Variants in MAN1A1 observed in about 807,000 individuals in gnomAD.
MAN1A1 encodes mannosidase alpha class 1A member 1.
A neutral mutation model predicts 70.8 loss-of-function variants in MAN1A1; 29 were observed. The observed-to-expected ratio is 0.41, with a 90% CI of 0.31 to 0.56. MAN1A1 has a LOEUF of 0.56. Ranked by LOEUF, MAN1A1 falls within the 20% of genes least tolerant of loss-of-function variation. MAN1A1 has a pLI of 0.29. For missense variants in MAN1A1, 747 were observed against 841.3 expected, an observed-to-expected ratio of 0.89 and a Z score of 1.39; for synonymous variants, 349 against 330.1, an observed-to-expected ratio of 1.06 and a Z score of -0.62.
chr6:119,324,641 C>CT (rs1773101041), intron 2 of MAN1A1, among the ~76,000 whole-genome samples: 3 of 152,172 alleles, frequency 2.0e-5, no homozygotes, highest in African/African-American at 7.2e-5. Context: ...TGTGATATCT[C>CT]TTTTTATAAT....
chr6:119,312,020 C>G (rs1367150597), intron 2 of MAN1A1, among the ~76,000 whole-genome samples: 2 of 152,110 alleles, frequency 1.3e-5, no homozygotes, highest in African/African-American at 2.4e-5. Context: ...TAGAGACCAA[C>G]AGACAGAGGC....
intron 6 of MAN1A1, among the ~76,000 whole-genome samples, chr6:119,223,052 G>A (rs1338248583): frequency 6.6e-6 from 1 of 152,056 alleles, no homozygotes. Flanking sequence ...GTTTAAAAAG[G>A]GGGGAAGGGA....
chr6:119,204,130 G>C (rs1165396061), intron 7 of MAN1A1, among the ~76,000 whole-genome samples: 4 of 152,190 alleles, frequency 2.6e-5, no homozygotes, highest in African/African-American at 4.8e-5. Flanking sequence ...CGAATGCTAA[G>C]AGGGCAAGGA....
chr6:119,234,326 A>G (rs117502387), intron 6 of MAN1A1, among the ~76,000 whole-genome samples: 3,073 of 152,312 alleles, frequency 0.02, 42 homozygotes, highest in Non-Finnish European at 0.03. Context: ...AAAATCTTCC[A>G]GAGGAAAAGT....
At chr6:119,202,487 C>T (rs989010571) in intron 7 of MAN1A1, among the ~76,000 whole-genome samples, 2 of 152,096 alleles carry the variant, frequency 1.3e-5, no homozygotes, top group Non-Finnish European at 2.9e-5. Context: ...AAAAGTGGTA[C>T]ATTCTAAAAT....
chr6:119,269,295 A>G, intron 5 of MAN1A1: 2 of 287,520 alleles, frequency 7.0e-6, no homozygotes, highest in South Asian at 2.9e-5. Flanking sequence ...TGGTACTTCC[A>G]GCCAAACTCG....
At chr6:119,275,277 A>C (rs1300396012) in intron 5 of MAN1A1, among the ~76,000 whole-genome samples, 1 of 52,852 alleles carries the variant, frequency 1.9e-5, no homozygotes, top group African/African-American at 7.0e-5. Context: ...TACCCAGCTA[A>C]TTTTTTTTTT....
chr6:119,337,868 A>G (rs1433254214), intron 2 of MAN1A1, among the ~76,000 whole-genome samples: 2 of 152,198 alleles, frequency 1.3e-5, no homozygotes, highest in East Asian at 3.8e-4. Flanking sequence ...AATGTATACA[A>G]TGCATTAGAT....
At chr6:119,316,880 T>G (rs558107578) in intron 2 of MAN1A1, among the ~76,000 whole-genome samples, 89 of 151,976 alleles carry the variant, frequency 5.9e-4, no homozygotes, top group South Asian at 3.7e-3. Context: ...TGAATTAGCT[T>G]GAATTTCATT....
intron 2 of MAN1A1, among the ~76,000 whole-genome samples, chr6:119,330,110 C>G (rs1773269329): frequency 6.6e-6 from 1 of 152,212 alleles, no homozygotes; most frequent in Non-Finnish European, 1.5e-5. Flanking sequence ...GCCCTTGACT[C>G]TTTGTACAGG....
In MAN1A1 at chr6:119,349,724, A is replaced by T; in HGVS notation, c.-405T>A. The T allele has an allele frequency of 1.0e-6, 1 of 985,808 alleles. No homozygotes were observed. Among genetic ancestry groups the T allele is most frequent in the Non-Finnish European group, 1.2e-6 (1 of 830,112 alleles). The allele number at this position is 985,808 out of a possible 1,614,324, so 61.1% of individuals were successfully genotyped here. A position where few individuals can be genotyped will look rare whatever the true frequency, so the allele number is the denominator to read the frequency against. On this transcript the variant is annotated 5_prime_UTR_variant, in exon 1 of 13. Transcript: ENST00000368468. ...CCTGCGGGCGAATGGCAGCGAGTAG[A>T]GCAGCACGGTACACTCCGCCGCGGC...
In MAN1A1 at chr6:119,179,459, C is replaced by T. The variant is rs1274326474; in HGVS notation, c.*360G>A. On this transcript the variant is annotated 3_prime_UTR_variant, in exon 13 of 13. Coordinates refer to ENST00000368468, the MANE Select transcript of MAN1A1 (RefSeq NM_005907.4). ...TTACAGCTTAAAGCAGACATCATCT[C>T]CTCTTAGAGGAGGAAAAAGTTTTGC... 5 of 159,456 alleles carry T rather than the reference C, an allele frequency of 3.1e-5. No individual in the cohort carries two copies. Among genetic ancestry groups the T allele is most frequent in the Non-Finnish European group, 1.4e-5 (1 of 71,792 alleles). The allele number at this position is 159,456 out of a possible 1,614,324, so 9.9% of individuals were successfully genotyped here.
At chr6:119,200,063 A>G (rs1773675527) in intron 8 of MAN1A1, among the ~76,000 whole-genome samples, 1 of 152,224 alleles carries the variant, frequency 6.6e-6, no homozygotes, top group South Asian at 2.1e-4. Context: ...AAAGGCAGAA[A>G]GTCTTTCAAA....
intron 6 of MAN1A1, among the ~76,000 whole-genome samples, chr6:119,212,281 G>A (rs933120938): frequency 2.0e-5 from 3 of 152,048 alleles, no homozygotes; most frequent in African/African-American, 7.2e-5. Flanking sequence ...TCAGGGCCCA[G>A]CTGAATTACC....
At chr6:119,250,733 T>C (rs1775297461) in intron 5 of MAN1A1, among the ~76,000 whole-genome samples, 1 of 152,126 alleles carries the variant, frequency 6.6e-6, no homozygotes, top group Admixed American at 6.6e-5. Context: ...TAATCATGTG[T>C]GTGCATTCTC....
intron 11 of MAN1A1, among the ~76,000 whole-genome samples, chr6:119,187,677 T>C (rs1230791751): frequency 6.6e-6 from 1 of 152,226 alleles, no homozygotes; most frequent in Non-Finnish European, 1.5e-5. Context: ...TTAAAGAATT[T>C]GCTTGTTCTT....
At chr6:119,289,620 A>G (rs923417517) in intron 5 of MAN1A1, among the ~76,000 whole-genome samples, 2 of 151,942 alleles carry the variant, frequency 1.3e-5, no homozygotes, top group Admixed American at 1.3e-4. Flanking sequence ...AACATTTAAC[A>G]CTAAAACAGG....
At chr6:119,328,171 C>T (rs1271288748) in intron 2 of MAN1A1, among the ~76,000 whole-genome samples, 1 of 152,202 alleles carries the variant, frequency 6.6e-6, no homozygotes, top group Non-Finnish European at 1.5e-5. Flanking sequence ...AGAAAACACA[C>T]CACACAACAT....
intron 6 of MAN1A1, among the ~76,000 whole-genome samples, chr6:119,205,232 C>T (rs1466837624): frequency 6.6e-6 from 1 of 152,162 alleles, no homozygotes; most frequent in African/African-American, 2.4e-5. Flanking sequence ...TGCCCAAATG[C>T]CACATAAAGC....
Sources: allele counts gnomAD v4.1 joint callset (sites outside exome capture counted in the v4.1 genomes callset), GRCh38; gene constraint gnomAD v4.1.1; transcripts MANE v1.5; gene names NCBI Gene and HGNC (gene_info 2026-07-23, HGNC 2026-07-21).